METTL16: variants seen among roughly 807,000 people sequenced by gnomAD.
The protein encoded by METTL16 is methyltransferase 16, RNA N6-adenosine, also known as RNA N(6)-adenosine-methyltransferase METTL16.
Under a neutral mutation model 57.9 loss-of-function variants are expected in METTL16, and 19 were observed. The ratio of observed to expected loss-of-function variants is 0.33; its 90% CI spans 0.23 to 0.48. The LOEUF is 0.48. Among genes scored for constraint, METTL16 ranks in the 20% least tolerant of loss-of-function variants. METTL16 has a pLI of 0.99. For missense variants in METTL16, 434 were observed against 691.5 expected (o/e 0.63, Z 4.18); for synonymous variants, 246 against 255.6 (o/e 0.96, Z 0.36).
rs947105463 is a variant in METTL16, at chr17:2,473,402, A to C, written c.469+122T>G. On this transcript the variant is annotated intron_variant, in intron 4 of 9. Transcript: ENST00000263092. Reference sequence around the variant, plus strand: ...TATCAAGACAGCAAACCCAATTACAAAGTGCCAGATTTTTTTAAATTACCG... The same window carrying C: ...TATCAAGACAGCAAACCCAATTACACAGTGCCAGATTTTTTTAAATTACCG... 8 of 1,094,676 alleles carry C rather than the reference A, an allele frequency of 7.3e-6. No homozygotes were observed. In the East Asian group the frequency reaches 7.7e-5, roughly 10 times the overall value. The allele number at this position is 1,094,676 out of a possible 1,614,324, so 67.8% of individuals were successfully genotyped here.
At position 2,478,565 on chromosome 17, in the gene METTL16, G is replaced by A. The variant is rs183520721; in HGVS notation, c.129-680C>T. ...TAGTTTCTAGTATATTAACAGAGTC[G>A]TGCAACCATCACCAAAACCCACTTT... On this transcript the variant is annotated intron_variant, in intron 2 of 9. Coordinates refer to ENST00000263092, the MANE Select transcript of METTL16 (RefSeq NM_024086.4). Among the ~76,000 whole-genome samples, 59 of 152,174 alleles carry A rather than the reference G, an allele frequency of 3.9e-4. No homozygotes were observed. The East Asian group carries it at 6.2e-3, about 16-fold the overall frequency.
At chr17:2,482,348 CACTA>C (rs766079481) in intron 2 of METTL16, among the ~76,000 whole-genome samples, 58 of 152,274 alleles carry the variant, frequency 3.8e-4, no homozygotes, top group African/African-American at 1.4e-3. Flanking sequence ...CTACTGGCAA[CACTA>C]ACTGAGGACT....
intron 8 of METTL16, among the ~76,000 whole-genome samples, chr17:2,435,159 A>G (rs1176110506): frequency 6.6e-6 from 1 of 152,188 alleles, no homozygotes; most frequent in Non-Finnish European, 1.5e-5. Context: ...GACAACAGGA[A>G]TGGGCTGAGT....
intron 2 of METTL16, among the ~76,000 whole-genome samples, chr17:2,498,329 T>G (rs564471752): frequency 1.3e-3 from 177 of 134,806 alleles, no homozygotes; most frequent in South Asian, 6.8e-3. Flanking sequence ...GGAGAATCTC[T>G]TGAACCCGGG....
At chr17:2,428,365 T>A (rs553260598) in intron 8 of METTL16, among the ~76,000 whole-genome samples, 1 of 151,096 alleles carries the variant, frequency 6.6e-6, no homozygotes, top group Non-Finnish European at 1.5e-5. Context: ...ACGAGCCAAG[T>A]TGAATAAATT....
rs200304658 is a variant in METTL16, at chr17:2,449,532, C to CAAA, written c.729-7976_729-7974dup. On this transcript the variant is annotated intron_variant, in intron 6 of 9. Coordinates refer to ENST00000263092, the MANE Select transcript of METTL16 (RefSeq NM_024086.4). ...TTAAAACAATTTTGAAAACAAAAAA[C>CAAA]AAACAAAAAAAAACAAAGATAGAGG... is the stretch of plus-strand genomic sequence containing the variant. Among the ~76,000 whole-genome samples, 140 of 150,952 alleles carry CAAA rather than the reference C, an allele frequency of 9.3e-4. 1 individual carries two copies. The highest frequency in any genetic ancestry group is 6.8e-3 in the Middle Eastern group (2 of 294).
At position 2,446,170 on chromosome 17, in the gene METTL16, C is replaced by G. The variant is rs566305567; in HGVS notation, c.729-4611G>C. ...TAAGAAACAAACAAAACCCCCAAAC[C>G]AAAAAACTCTGTAACAGCCAACATC... On this transcript the variant is annotated intron_variant, in intron 6 of 9. Transcript: ENST00000263092. 9.9e-5 allele frequency among the ~76,000 whole-genome samples: 15 copies of G among 152,134 alleles called. 1 individual carries two copies. In the South Asian group the frequency reaches 3.1e-3, roughly 32 times the overall value.
intron 6 of METTL16, among the ~76,000 whole-genome samples, chr17:2,447,678 G>C (rs2067015155): frequency 7.2e-6 from 1 of 138,838 alleles, no homozygotes; most frequent in Non-Finnish European, 1.6e-5. Context: ...CCTCTGCCCG[G>C]CCAGCCGCCC....
At chr17:2,433,566 T>C (rs556211916) in intron 8 of METTL16, among the ~76,000 whole-genome samples, 6 of 152,170 alleles carry the variant, frequency 3.9e-5, no homozygotes, top group Non-Finnish European at 8.8e-5. Context: ...AGAGTGACAT[T>C]AGGTGCTCAG....
chr17:2,438,614 G>A (rs2066925065), intron 7 of METTL16, among the ~76,000 whole-genome samples: 1 of 152,128 alleles, frequency 6.6e-6, no homozygotes, highest in Non-Finnish European at 1.5e-5. Context: ...CAATTCTCCT[G>A]CCTCAGCCTC....
At chr17:2,427,258 G>A (rs2066826697) in intron 8 of METTL16, among the ~76,000 whole-genome samples, 1 of 152,186 alleles carries the variant, frequency 6.6e-6, no homozygotes, top group Non-Finnish European at 1.5e-5. Flanking sequence ...TCAGACTTCT[G>A]ACCATTCTTT....
At chr17:2,437,676 C>T (rs1597443264) in intron 8 of METTL16, among the ~76,000 whole-genome samples, 1 of 152,112 alleles carries the variant, frequency 6.6e-6, no homozygotes, top group Non-Finnish European at 1.5e-5. Context: ...CTCAGCCTCC[C>T]GAGTAGCTGG....
intron 1 of METTL16, among the ~76,000 whole-genome samples, chr17:2,507,202 G>A (rs1434156195): frequency 2.1e-5 from 3 of 144,546 alleles, no homozygotes; most frequent in Admixed American, 6.9e-5. Context: ...AAGGAGGTGA[G>A]GGGGTCAGCC....
chr17:2,498,932 C>T (rs893819654), intron 2 of METTL16, among the ~76,000 whole-genome samples: 2 of 151,626 alleles, frequency 1.3e-5, no homozygotes, highest in South Asian at 2.1e-4. Flanking sequence ...TTCTTCAGTT[C>T]CCCTCTGCCC....
chr17:2,446,793 G>T (rs1415541679), intron 6 of METTL16, among the ~76,000 whole-genome samples: 3 of 152,100 alleles, frequency 2.0e-5, no homozygotes, highest in Non-Finnish European at 4.4e-5. Context: ...GTGTTGGCCG[G>T]GCTGGTCTCC....
intron 2 of METTL16, among the ~76,000 whole-genome samples, chr17:2,481,023 T>C (rs1435253632): frequency 6.6e-6 from 1 of 152,036 alleles, no homozygotes; most frequent in Non-Finnish European, 1.5e-5. Flanking sequence ...GCCAACATGG[T>C]GCAACTCCAT....
intron 2 of METTL16, among the ~76,000 whole-genome samples, chr17:2,501,730 C>T (rs1001191696): frequency 1.3e-5 from 2 of 151,744 alleles, no homozygotes; most frequent in Non-Finnish European, 2.9e-5. Context: ...TGGTGGCGGG[C>T]GCCTGTAATC....
chr17:2,474,472 C>T (rs2067256615), intron 3 of METTL16, among the ~76,000 whole-genome samples: 1 of 151,432 alleles, frequency 6.6e-6, no homozygotes, highest in African/African-American at 2.4e-5. Context: ...GGTTTGGAGC[C>T]ACGACATCAG....
At chr17:2,429,892 C>T (rs1291684742) in intron 8 of METTL16, among the ~76,000 whole-genome samples, 2 of 150,434 alleles carry the variant, frequency 1.3e-5, no homozygotes, top group Non-Finnish European at 3.0e-5. Context: ...CTCACAGCAA[C>T]CTCTGCCTAC....
Sources: allele counts gnomAD v4.1 joint callset (sites outside exome capture counted in the v4.1 genomes callset), GRCh38; gene constraint gnomAD v4.1.1; transcripts MANE v1.5; gene names NCBI Gene and HGNC (gene_info 2026-07-23, HGNC 2026-07-21).